Variants in CSMD1 observed in about 807,000 individuals in gnomAD.
The protein encoded by CSMD1 is CUB and sushi domain-containing protein 1.
In CSMD1, 213 loss-of-function variants were observed where a neutral mutation model predicts 417.5. That is an observed-to-expected ratio of 0.51 (90% CI 0.46 to 0.57). The LOEUF is 0.57. Ranked by LOEUF, CSMD1 falls within the 20% of genes least tolerant of loss-of-function variation. CSMD1 has a pLI of 0.00. For missense variants in CSMD1, 6,923 were observed against 4,529.7 expected (o/e 1.53, Z -15.17); for synonymous variants, 2,862 against 1,736.8 (o/e 1.65, Z -16.11).
chr8:4,606,453 C>A (rs1800872341), intron 2 of CSMD1, among the ~76,000 whole-genome samples: 1 of 152,130 alleles, frequency 6.6e-6, no homozygotes, highest in Admixed American at 6.5e-5. Flanking sequence ...GTTCTTCCTG[C>A]TGTGATTACA....
chr8:3,448,327 G>GGGAGGGAGGGAGGGAAGGAAGGAAGGAA (rs1563399758), intron 12 of CSMD1, among the ~76,000 whole-genome samples: 1 of 33,568 alleles, frequency 3.0e-5, no homozygotes, highest in African/African-American at 1.3e-4. Context: ...AAGGAAGGGA[G>GGGAGGGAGGGAGGGAAGGAAGGAAGGAA]CAAGGGAGGG....
chr8:3,728,954 C>T (rs1187465638), intron 6 of CSMD1, among the ~76,000 whole-genome samples: 2 of 152,170 alleles, frequency 1.3e-5, no homozygotes, highest in African/African-American at 2.4e-5. Context: ...CAAATGAGTG[C>T]CGTTCGAATA....
At chr8:4,874,579 T>A (rs755595958) in intron 1 of CSMD1, among the ~76,000 whole-genome samples, 1 of 151,632 alleles carries the variant, frequency 6.6e-6, no homozygotes, top group Non-Finnish European at 1.5e-5. Flanking sequence ...TTAGTAAAGA[T>A]GGGGTTTCAC....
intron 48 of CSMD1, among the ~76,000 whole-genome samples, chr8:3,088,604 CT>C (rs1040948803): frequency 4.9e-4 from 75 of 152,168 alleles, no homozygotes; most frequent in African/African-American, 1.6e-3. Context: ...ATATTCTCAG[CT>C]GGGTGAGCCT....
chr8:3,905,620 A>G (rs1168163942), intron 5 of CSMD1, among the ~76,000 whole-genome samples: 2 of 152,216 alleles, frequency 1.3e-5, no homozygotes, highest in African/African-American at 4.8e-5. Flanking sequence ...GTGTGACTGA[A>G]AATTTACATT....
chr8:4,345,661 G>C (rs1014364061), intron 3 of CSMD1, among the ~76,000 whole-genome samples: 3 of 152,048 alleles, frequency 2.0e-5, no homozygotes, highest in Admixed American at 6.6e-5. Flanking sequence ...GACTGGAAGA[G>C]ACCTTTCTCA....
At chr8:3,831,012 G>C (rs550749056) in intron 5 of CSMD1, among the ~76,000 whole-genome samples, 2 of 152,262 alleles carry the variant, frequency 1.3e-5, no homozygotes, top group South Asian at 2.1e-4. Context: ...ATTTCTGCTT[G>C]TTGGCTCTGA....
chr8:4,801,597 G>C (rs988532579), intron 1 of CSMD1, among the ~76,000 whole-genome samples: 2 of 152,026 alleles, frequency 1.3e-5, no homozygotes, highest in African/African-American at 2.4e-5. Context: ...CAGTTAGTGA[G>C]CACCTCTATG....
chr8:4,179,429 A>C (rs990749317), intron 3 of CSMD1, among the ~76,000 whole-genome samples: 1 of 152,060 alleles, frequency 6.6e-6, no homozygotes, highest in Non-Finnish European at 1.5e-5. Flanking sequence ...AAATCAATTC[A>C]AGATGGATTA....
chr8:4,553,635 G>A (rs1215154592), intron 2 of CSMD1, among the ~76,000 whole-genome samples: 2 of 152,056 alleles, frequency 1.3e-5, no homozygotes, highest in Non-Finnish European at 2.9e-5. Context: ...TACCAATATA[G>A]CATGAAAAGC....
chr8:4,697,765 G>T (rs116938783), intron 1 of CSMD1, among the ~76,000 whole-genome samples: 2 of 152,104 alleles, frequency 1.3e-5, no homozygotes, highest in Admixed American at 6.5e-5. Context: ...TACTCATTTG[G>T]CATTACAAAC....
chr8:4,336,494 T>A (rs144681619), intron 3 of CSMD1, among the ~76,000 whole-genome samples: 69 of 152,248 alleles, frequency 4.5e-4, no homozygotes, highest in African/African-American at 1.6e-3. Flanking sequence ...GAAACACAGA[T>A]ACAACTACAT....
intron 2 of CSMD1, among the ~76,000 whole-genome samples, chr8:4,433,116 T>A (rs1363138656): frequency 1.3e-5 from 2 of 152,200 alleles, no homozygotes; most frequent in Non-Finnish European, 2.9e-5. Context: ...CACCTCCAGA[T>A]GGGACTGACC....
At chr8:3,366,455 T>C (rs1809572176) in intron 20 of CSMD1, among the ~76,000 whole-genome samples, 1 of 152,242 alleles carries the variant, frequency 6.6e-6, no homozygotes, top group African/African-American at 2.4e-5. Context: ...TAATTTCTGC[T>C]GTAACATAAA....
chr8:4,854,462 C>G (rs908048371), intron 1 of CSMD1, among the ~76,000 whole-genome samples: 3 of 152,260 alleles, frequency 2.0e-5, no homozygotes, highest in Admixed American at 2.0e-4. Context: ...CTGTGAGCGA[C>G]GCAGAAGACG....
In CSMD1 at chr8:3,493,687, C is replaced by T. The variant is rs761320990; in HGVS notation, c.1384G>A (p.Gly462Ser). The change falls in exon 11 of 70, where the codon GGC becomes AGC. Residue 462 changes from glycine (G) to serine (S), a missense_variant. Gly to Ser is a moderately conservative substitution (Grantham distance 56). Coordinates refer to ENST00000635120, the MANE Select transcript of CSMD1 (RefSeq NM_033225.6). ...TCACCAACCGTCAGGGTGTCATAGC[C>T]TCGCTCCAGCTCAAACTCTTCAAAG... ...LAFEEFELER[G>S]YDTLTVGDAG... 2 of 1,612,130 alleles carry T rather than the reference C, an allele frequency of 1.2e-6. No homozygotes were observed. The highest frequency in any genetic ancestry group is 4.5e-5 in the East Asian group (2 of 44,820).
In CSMD1 at chr8:4,911,232, C is replaced by T. The variant is rs541652449; in HGVS notation, c.85+83100G>A. Reference sequence around the variant, plus strand: ...GCTTTTCCTCAAATTCTGTCTGCTCCATCAGTTTCAAATGACCTTTGTCCA... The same window carrying T: ...GCTTTTCCTCAAATTCTGTCTGCTCTATCAGTTTCAAATGACCTTTGTCCA... On this transcript the variant is annotated intron_variant, in intron 1 of 69. Transcript: ENST00000635120. Among the ~76,000 whole-genome samples, 5 of 152,320 alleles carry T rather than the reference C, an allele frequency of 3.3e-5. No homozygotes were observed. In the South Asian group the frequency reaches 6.2e-4, roughly 19 times the overall value.
chr8:4,606,957 T>C (rs1800907464), intron 2 of CSMD1, among the ~76,000 whole-genome samples: 1 of 152,232 alleles, frequency 6.6e-6, no homozygotes, highest in Non-Finnish European at 1.5e-5. Flanking sequence ...TCCTTTTCTT[T>C]TGGAAATTGC....
rs1821298816 is a variant in CSMD1 at position 3,181,171 on chromosome 8, G to C, written c.5664C>G (p.Leu1888=). The C allele has an allele frequency of 6.2e-7, 1 of 1,613,942 alleles. No homozygotes were observed. The highest frequency in any genetic ancestry group is 2.2e-5 in the East Asian group (1 of 44,876). The part of the protein sequence containing the change: ...PALLNSTSNQ[L]YLHFQSDISV... ...TAATGTCAGACTGGAAATGCAGGTA[G>C]AGTTGGTTGGAAGTACTGTTCAGCA... The change falls in exon 37 of 70, where the codon CTC becomes CTG. Residue 1888 remains leucine, a synonymous_variant. Coordinates refer to ENST00000635120, the MANE Select transcript of CSMD1 (RefSeq NM_033225.6).
Sources: gnomAD v4.1 joint callset for allele counts (sites outside exome capture counted in the v4.1 genomes callset) on GRCh38, gnomAD v4.1.1 for gene constraint, MANE v1.5 for transcripts, NCBI Gene and HGNC (gene_info 2026-07-23, HGNC 2026-07-21) for gene names.